Variants in PRKN observed in about 807,000 individuals in gnomAD.
The protein encoded by PRKN is parkin RBR E3 ubiquitin protein ligase.
A neutral mutation model predicts 59.5 loss-of-function variants in PRKN; 56 were observed. The ratio of observed to expected loss-of-function variants is 0.94; its 90% CI spans 0.76 to 1.18. The LOEUF (loss-of-function observed/expected upper bound fraction) is 1.18, where lower values mean the gene tolerates loss of function less well. Among genes scored for constraint, PRKN ranks in the 50% most tolerant of loss-of-function variants. The pLI, the probability that PRKN is intolerant of heterozygous loss-of-function variation, is 0.00. For synonymous variants in PRKN, 250 were observed against 222.1 expected (o/e 1.13, Z -1.12); for missense variants, 657 against 596.4 (o/e 1.10, Z -1.06).
At chr6:161,823,406 T>C (rs1792116295) in intron 6 of PRKN, among the ~76,000 whole-genome samples, 1 of 152,156 alleles carries the variant, frequency 6.6e-6, no homozygotes, top group Non-Finnish European at 1.5e-5. Flanking sequence ...TGGGTGTGGC[T>C]ATGGGTGTGA....
At chr6:161,679,556 CTTTTTTTTTT>C (rs34325718) in intron 7 of PRKN, among the ~76,000 whole-genome samples, 1 of 109,034 alleles carries the variant, frequency 9.2e-6, no homozygotes, top group Non-Finnish European at 1.8e-5. Flanking sequence ...AGTTTCAAGT[CTTTTTTTTTT>C]TTTTTTTTTT....
rs1779722178 is a variant in PRKN at position 161,544,383 on chromosome 6, C to G, written c.1083+4471G>C. ...GTGCTTACGTATTTTTCAAAGAGCTCTTTGTTGGGGCAAGGTAAGCAGTTC... is the reference window on the plus strand; with the variant it reads ...GTGCTTACGTATTTTTCAAAGAGCTGTTTGTTGGGGCAAGGTAAGCAGTTC... On this transcript the variant is annotated intron_variant, in intron 9 of 11. Transcript: ENST00000366898. The surrounding 1 kb of genome is among the most constrained non-coding windows in gnomAD (Gnocchi z 5.5). 6.6e-6 allele frequency among the ~76,000 whole-genome samples: 1 copy of G among 152,058 alleles called. No homozygotes were observed. The highest frequency in any genetic ancestry group is 1.5e-5 in the Non-Finnish European group (1 of 68,014).
chr6:162,293,880 G>T lies in PRKN; in HGVS notation c.172-31115C>A, dbSNP rs556386361. The stretch of plus-strand genomic sequence containing the variant: ...TTTTTAGTAGAGATGGGGTTTCACC[G>T]TGTTAGCCAGGATGGTCTCGATCTC... On this transcript the variant is annotated intron_variant, in intron 2 of 11. Transcript: ENST00000366898. Among the ~76,000 whole-genome samples the T allele has an allele frequency of 8.5e-5, 13 of 152,204 alleles. No individual in the cohort carries two copies. The South Asian group carries it at 2.5e-3, about 29-fold the overall frequency.
intron 2 of PRKN, among the ~76,000 whole-genome samples, chr6:162,399,639 T>C (rs944327775): frequency 1.3e-5 from 2 of 152,056 alleles, no homozygotes; most frequent in African/African-American, 4.8e-5. Context: ...AAAAATGTTG[T>C]TACTCAACAG....
At chr6:161,848,964 G>A (rs13216183) in intron 6 of PRKN, among the ~76,000 whole-genome samples, 39,313 of 152,088 alleles carry the variant, frequency 0.26, 5,747 homozygotes, top group South Asian at 0.36. Flanking sequence ...TTTTTAACAG[G>A]CAGGGACTGG....
intron 5 of PRKN, 109 bp from the exon 6 acceptor site, chr6:161,973,526 G>C (rs62436002): frequency 2.8e-6 from 2 of 715,690 alleles, no homozygotes; most frequent in African/African-American, 3.5e-5. Context: ...AATCTGTTAC[G>C]AGGTGTGAGA....
rs1393260499 is a variant in PRKN, at chr6:161,844,866, G to A, written c.735-58958C>T. ...TGTCAGCCGTGGAGTTGGCGTATGT[G>A]TTCTGTGGAATATCTCATAAGTTAA... On this transcript the variant is annotated intron_variant, in intron 6 of 11. Coordinates refer to ENST00000366898, the MANE Select transcript of PRKN (RefSeq NM_004562.3). Among the ~76,000 whole-genome samples the A allele has an allele frequency of 2.0e-5, 3 of 152,226 alleles. No individual in the cohort carries two copies. The East Asian group carries it at 5.8e-4, about 29-fold the overall frequency.
At chr6:162,264,923 T>C (rs989205482) in intron 2 of PRKN, among the ~76,000 whole-genome samples, 11 of 151,812 alleles carry the variant, frequency 7.2e-5, no homozygotes, top group African/African-American at 2.7e-4. Context: ...TGTCTCAGAA[T>C]TACCCTTCAC....
chr6:162,515,711 T>C (rs1777822338), intron 1 of PRKN, among the ~76,000 whole-genome samples: 1 of 152,192 alleles, frequency 6.6e-6, no homozygotes, highest in Non-Finnish European at 1.5e-5. Context: ...CAGCTTTCTC[T>C]TCCTATCCCC....
intron 1 of PRKN, among the ~76,000 whole-genome samples, chr6:162,559,122 GCCTGGGC>G (rs1779732003): frequency 7.0e-6 from 1 of 142,160 alleles, no homozygotes; most frequent in African/African-American, 2.7e-5. Flanking sequence ...CTGCACTCCT[GCCTGGGC>G]GACAGAGCAA....
In PRKN at chr6:162,299,373, T is replaced by C. The variant is rs561507784; in HGVS notation, c.172-36608A>G. 2.0e-5 allele frequency among the ~76,000 whole-genome samples: 3 copies of C among 152,200 alleles called. No homozygotes were observed. In the East Asian group the frequency reaches 5.8e-4, roughly 30 times the overall value. ...GTGGGTAAGATTCTGGTTTTTACCC[T>C]TAGGTGGAAGGTGGAATGGGCACAC... On this transcript the variant is annotated intron_variant, in intron 2 of 11. Coordinates refer to ENST00000366898, the MANE Select transcript of PRKN (RefSeq NM_004562.3).
intron 6 of PRKN, among the ~76,000 whole-genome samples, chr6:161,930,056 C>A (rs1779114748): frequency 6.6e-6 from 1 of 152,182 alleles, no homozygotes; most frequent in South Asian, 2.1e-4. Context: ...CTGAAGCCAG[C>A]ATTCTCTCTT....
chr6:161,894,863 T>C lies in PRKN; in HGVS notation c.734+78439A>G, dbSNP rs1049636472. On this transcript the variant is annotated intron_variant, in intron 6 of 11. Transcript: ENST00000366898. Reference sequence around the variant, plus strand: ...GGTCCATCATTTATAACTGTATTTATTTAATGAGGATATGATTTGGTCCTG... The same window carrying C: ...GGTCCATCATTTATAACTGTATTTACTTAATGAGGATATGATTTGGTCCTG... Among the ~76,000 whole-genome samples the C allele has an allele frequency of 4.6e-5, 7 of 152,344 alleles. No individual in the cohort carries two copies. In the East Asian group the frequency reaches 7.7e-4, roughly 17 times the overall value.
intron 1 of PRKN, among the ~76,000 whole-genome samples, chr6:162,609,973 T>C (rs541307775): frequency 3.9e-5 from 6 of 152,314 alleles, no homozygotes; most frequent in Non-Finnish European, 4.4e-5. Flanking sequence ...ACAAAAGTAA[T>C]TTAAATTGCA....
rs749850054 is a variant in PRKN at position 161,448,276 on chromosome 6, A to G, written c.1084-61399T>C. Among the ~76,000 whole-genome samples the G allele has an allele frequency of 1.3e-5, 2 of 151,950 alleles. No individual in the cohort carries two copies. The highest frequency in any genetic ancestry group is 2.4e-5 in the African/African-American group (1 of 41,342). On this transcript the variant is annotated intron_variant, in intron 9 of 11. Transcript: ENST00000366898. This position sits in a 1 kb window ranked among gnomAD's most constrained non-coding sequence, Gnocchi z 5.1. ...GGTGTCTGCGTATCTCTGAATGGCC[A>G]CTCCCATGCAGCCCTTGAATGAATT...
At chr6:162,699,269 A>T (rs546565790) in intron 1 of PRKN, among the ~76,000 whole-genome samples, 1 of 152,358 alleles carries the variant, frequency 6.6e-6, no homozygotes, top group Non-Finnish European at 1.5e-5. Context: ...CTTATTGAAA[A>T]GAAAAAAAGA....
intron 9 of PRKN, among the ~76,000 whole-genome samples, chr6:161,387,336 C>A (rs367761689): frequency 1.3e-5 from 2 of 152,354 alleles, no homozygotes; most frequent in Admixed American, 1.3e-4. Flanking sequence ...CTTCCCCCTT[C>A]GCTCAGCTCT....
chr6:162,201,342 T>A, intron 3 of PRKN, 90 bp from the exon 4 acceptor site: 1 of 1,187,076 alleles, frequency 8.4e-7, no homozygotes, highest in East Asian at 2.3e-5. Context: ...AGGCAAATTT[T>A]AAAACTCAGT....
rs546767185 is a variant in PRKN at position 162,438,472 on chromosome 6, G to T, written c.171+4838C>A. Among the ~76,000 whole-genome samples the T allele has an allele frequency of 6.1e-4, 92 of 151,470 alleles. No homozygotes were observed. The Middle Eastern group carries it at 0.024, about 39-fold the overall frequency. ...GCCATTCTTTTAGGGTAGGTCTGCT[G>T]GTGACAAATTCGCTTAGTTTTTCTT... On this transcript the variant is annotated intron_variant, in intron 2 of 11. Coordinates refer to ENST00000366898, the MANE Select transcript of PRKN (RefSeq NM_004562.3).
Sources: gnomAD v4.1 joint callset for allele counts (sites outside exome capture counted in the v4.1 genomes callset) on GRCh38, gnomAD v4.1.1 for gene constraint, Gnocchi (gnomAD v3.1) non-coding constraint, MANE v1.5 for transcripts, NCBI Gene and HGNC (gene_info 2026-07-23, HGNC 2026-07-21) for gene names.